Variants in GRAMD1B observed in about 807,000 individuals in gnomAD.
GRAMD1B encodes the protein GRAM domain containing 1B, also known as protein Aster-B.
A neutral mutation model predicts 99.7 loss-of-function variants in GRAMD1B; 37 were observed. The ratio of observed to expected loss-of-function variants is 0.37; its 90% CI spans 0.29 to 0.49. The LOEUF is 0.49. Among genes scored for constraint, GRAMD1B ranks in the 20% least tolerant of loss-of-function variants. GRAMD1B has a pLI of 0.98. For synonymous variants in GRAMD1B, 427 were observed against 387.6 expected (o/e 1.10, Z -1.19); for missense variants, 888 against 1,009.2 (o/e 0.88, Z 1.63).
intron 1 of GRAMD1B, among the ~76,000 whole-genome samples, chr11:123,415,446 CT>C (rs1948203523): frequency 6.6e-6 from 1 of 151,930 alleles, no homozygotes; most frequent in African/African-American, 2.4e-5. Context: ...ATTCCAAAGG[CT>C]TGTCTAGGTC....
At chr11:123,477,920 G>A (rs537505284) in intron 1 of GRAMD1B, among the ~76,000 whole-genome samples, 3 of 151,312 alleles carry the variant, frequency 2.0e-5, no homozygotes, top group South Asian at 2.1e-4. Flanking sequence ...GATTACAGGC[G>A]CTTGCCACCA....
At chr11:123,573,659 T>G (rs1291176956) in intron 2 of GRAMD1B, among the ~76,000 whole-genome samples, 1 of 152,226 alleles carries the variant, frequency 6.6e-6, no homozygotes, top group Non-Finnish European at 1.5e-5. Context: ...AAAATGGGAC[T>G]AATAATACTG....
chr11:123,618,229 T>G, intron 17 of GRAMD1B: 1 of 811,746 alleles, frequency 1.2e-6, no homozygotes, highest in Non-Finnish European at 2.1e-6. Flanking sequence ...TAGTATTTTT[T>G]TCTCATATAC....
intron 2 of GRAMD1B, chr11:123,491,919 G>A (rs1456524926): frequency 5.0e-6 from 2 of 399,224 alleles, no homozygotes; most frequent in Non-Finnish European, 8.8e-6. Flanking sequence ...TCACTACCAC[G>A]TCTCCTCCCT....
chr11:123,435,678 A>T (rs1169927600), intron 1 of GRAMD1B: 2 of 443,982 alleles, frequency 4.5e-6, no homozygotes, highest in Non-Finnish European at 8.0e-6. Context: ...TGATGAGTTA[A>T]TAATGAGTAA....
intron 2 of GRAMD1B, among the ~76,000 whole-genome samples, chr11:123,504,125 G>A (rs1183331288): frequency 1.3e-5 from 2 of 152,174 alleles, no homozygotes; most frequent in Admixed American, 6.5e-5. Context: ...TGCGGGGGCG[G>A]TCTCAGGAAT....
At chr11:123,597,385 C>T (rs1245957126) in intron 7 of GRAMD1B, among the ~76,000 whole-genome samples, 2 of 151,696 alleles carry the variant, frequency 1.3e-5, no homozygotes, top group Admixed American at 6.6e-5. Flanking sequence ...AGCCACTGCA[C>T]CCAGCTCCAA....
intron 2 of GRAMD1B, among the ~76,000 whole-genome samples, chr11:123,517,022 C>T (rs1941735547): frequency 6.6e-6 from 1 of 152,188 alleles, no homozygotes; most frequent in Admixed American, 6.5e-5. Flanking sequence ...TGGGCTCAAG[C>T]AATTCTCCTG....
chr11:123,422,206 C>G (rs1383079061), intron 1 of GRAMD1B, among the ~76,000 whole-genome samples: 1 of 152,116 alleles, frequency 6.6e-6, no homozygotes, highest in African/African-American at 2.4e-5. Context: ...AGGGCCAGTT[C>G]TGGGGCGCAG....
rs565092517 is a variant in GRAMD1B, at chr11:123,499,445, T to C, written c.452+18552T>C. On this transcript the variant is annotated intron_variant, in intron 2 of 19. Transcript: ENST00000635736. ...AATACCCAGGGACACAACTTCTGTG[T>C]CCCTTACCTGTCTTCTGCATAGTCC... Among the ~76,000 whole-genome samples, 59 of 152,320 alleles carry C rather than the reference T, an allele frequency of 3.9e-4. 1 individual carries two copies. In the South Asian group the frequency reaches 5.4e-3, roughly 14 times the overall value.
chr11:123,449,414 A>T (rs888632462), intron 1 of GRAMD1B, among the ~76,000 whole-genome samples: 2 of 152,180 alleles, frequency 1.3e-5, no homozygotes, highest in East Asian at 3.9e-4. Flanking sequence ...ACGATAAATC[A>T]TTTTGCAAAG....
chr11:123,609,029 A>G lies in GRAMD1B; in HGVS notation c.1657+227A>G, dbSNP rs548991420. On this transcript the variant is annotated intron_variant, in intron 12 of 19. Coordinates refer to ENST00000635736, the MANE Select transcript of GRAMD1B (RefSeq NM_001387025.1). The stretch of plus-strand genomic sequence containing the variant: ...CCCTGCAGCTTCACCCTTTCCCACT[A>G]CACACCAGGCACTCGATGCCGGCCC... Among the ~76,000 whole-genome samples, 3 of 150,918 alleles carry G rather than the reference A, an allele frequency of 2.0e-5. No homozygotes were observed. The East Asian group carries it at 5.8e-4, about 29-fold the overall frequency.
upstream of GRAMD1B, among the ~76,000 whole-genome samples, chr11:123,426,076 C>T (rs1000137782): frequency 3.3e-5 from 5 of 152,128 alleles, no homozygotes; most frequent in Non-Finnish European, 2.9e-5. Flanking sequence ...GTTTAGCATC[C>T]GGTGATCAAA....
intron 2 of GRAMD1B, among the ~76,000 whole-genome samples, chr11:123,554,326 A>G (rs996315883): frequency 1.3e-5 from 2 of 152,168 alleles, no homozygotes; most frequent in Admixed American, 1.3e-4. Context: ...TCATCCATAT[A>G]GTAGTGTATC....
chr11:123,405,349 A>G (rs12272921), intron 1 of GRAMD1B, among the ~76,000 whole-genome samples: 3,587 of 152,222 alleles, frequency 0.024, 143 homozygotes, highest in African/African-American at 0.083. Flanking sequence ...TCTGCTCTTC[A>G]TCTGGCTGCC....
intron 4 of GRAMD1B, among the ~76,000 whole-genome samples, chr11:123,589,614 T>TTTTTTATATATATATATA (rs762751523): frequency 7.8e-6 from 1 of 128,278 alleles, no homozygotes; most frequent in African/African-American, 3.5e-5. Flanking sequence ...TGGCTAATTT[T>TTTTTTATATATATATATA]TATATATATA....
chr11:123,364,193 G>A (rs1946240944), intron 1 of GRAMD1B, among the ~76,000 whole-genome samples: 1 of 152,202 alleles, frequency 6.6e-6, no homozygotes, highest in African/African-American at 2.4e-5. Flanking sequence ...AAAGAGTGAT[G>A]TTGAGTCAGC....
At chr11:123,598,144 C>T in intron 7 of GRAMD1B, 4 of 1,576,740 alleles carry the variant, frequency 2.5e-6, no homozygotes, top group Admixed American at 1.7e-5. Context: ...CCAAACACCT[C>T]ATGCCATGCC....
At chr11:123,513,578 T>TTCCTTCCTTTCCTTCC (rs1555050112) in intron 2 of GRAMD1B, among the ~76,000 whole-genome samples, 1 of 41,672 alleles carries the variant, frequency 2.4e-5, no homozygotes, top group Non-Finnish European at 4.6e-5. Flanking sequence ...CCTTCCTTCC[T>TTCCTTCCTTTCCTTCC]TTCCTTCCTT....
Sources: allele counts gnomAD v4.1 joint callset (sites outside exome capture counted in the v4.1 genomes callset), GRCh38; gene constraint gnomAD v4.1.1; transcripts MANE v1.5; gene names NCBI Gene and HGNC (gene_info 2026-07-23, HGNC 2026-07-21).